PARD6G: variants seen among roughly 807,000 people sequenced by gnomAD.
PARD6G encodes the protein par-6 family cell polarity regulator gamma, also known as partitioning defective 6 homolog gamma.
PARD6G carries 7 observed loss-of-function variants against 10.7 expected under a neutral mutation model. That is an observed-to-expected ratio of 0.66 (90% CI 0.37 to 1.23). PARD6G has a LOEUF of 1.23. PARD6G is among the 50% of genes most tolerant of loss of function. The pLI is 0.02. For missense variants in PARD6G, 548 were observed against 571.8 expected (o/e 0.96, Z 0.42); for synonymous variants, 287 against 269.4 (o/e 1.07, Z -0.64).
chr18:80,213,511 A>G (rs1197266692), intron 1 of PARD6G, among the ~76,000 whole-genome samples: 22 of 152,218 alleles, frequency 1.4e-4, no homozygotes, highest in Admixed American at 1.4e-3. Context: ...ATCTCTATCT[A>G]ATCATTAGCT....
rs112211247 is a variant in PARD6G at position 80,192,432 on chromosome 18, C to T, written c.295+10278G>A. 0.26 allele frequency among the ~76,000 whole-genome samples: 39,062 copies of T among 148,008 alleles called. 6,753 individuals are homozygous for T. Among genetic ancestry groups the T allele is most frequent in the Non-Finnish European group, 0.39 (26,209 of 66,494 alleles). On this transcript the variant is annotated intron_variant, in intron 2 of 2. Coordinates refer to ENST00000353265, the MANE Select transcript of PARD6G (RefSeq NM_032510.4). This position sits in a 1 kb window ranked among gnomAD's most constrained non-coding sequence, Gnocchi z 4.9. ...CACTGCCCAGTGGGAGCCCAGGGGACGGGGGAGAGCAGGTGCCACGGCGGG... is the reference window on the plus strand; with the variant it reads ...CACTGCCCAGTGGGAGCCCAGGGGATGGGGGAGAGCAGGTGCCACGGCGGG...
intron 2 of PARD6G, among the ~76,000 whole-genome samples, chr18:80,167,456 A>G (rs2052744380): frequency 6.6e-6 from 1 of 152,168 alleles, no homozygotes; most frequent in Non-Finnish European, 1.5e-5. Flanking sequence ...GGACAGGGAC[A>G]CAGGCTCAGG....
chr18:80,172,548 G>A (rs1427662146), intron 2 of PARD6G, among the ~76,000 whole-genome samples: 4 of 152,062 alleles, frequency 2.6e-5, no homozygotes, highest in Non-Finnish European at 4.4e-5. Flanking sequence ...TACCGTGCCT[G>A]GCTAATTTTT....
intron 1 of PARD6G, among the ~76,000 whole-genome samples, chr18:80,209,175 G>A (rs1438468504): frequency 6.6e-6 from 1 of 151,792 alleles, no homozygotes; most frequent in East Asian, 1.9e-4. Context: ...ACTATGAGCT[G>A]TATCATTTCC....
At position 80,223,646 on chromosome 18, in the gene PARD6G, A is replaced by G. The variant is rs555990188; in HGVS notation, c.73-20714T>C. 1.4e-4 allele frequency among the ~76,000 whole-genome samples: 22 copies of G among 152,316 alleles called. 1 individual carries two copies. The Middle Eastern group carries it at 0.014, about 94-fold the overall frequency. On this transcript the variant is annotated intron_variant, in intron 1 of 2. Transcript: ENST00000353265. ...TAAAACGGTGCAAATGATTTTGTAA[A>G]CAGTCTGGGAGTTCTTCAAAATGTT...
At chr18:80,166,737 G>T (rs931013783) in intron 2 of PARD6G, among the ~76,000 whole-genome samples, 1 of 151,454 alleles carries the variant, frequency 6.6e-6, no homozygotes, top group Admixed American at 6.6e-5. Context: ...CCACCTTCCC[G>T]GGGAACTTCA....
chr18:80,206,868 G>A (rs1967058696), intron 1 of PARD6G, among the ~76,000 whole-genome samples: 2 of 151,948 alleles, frequency 1.3e-5, no homozygotes, highest in Non-Finnish European at 1.5e-5. Flanking sequence ...TTATTTGGAT[G>A]GCTAGTGATT....
intron 1 of PARD6G, among the ~76,000 whole-genome samples, chr18:80,235,712 G>A (rs1383106852): frequency 6.6e-6 from 1 of 152,138 alleles, no homozygotes; most frequent in Non-Finnish European, 1.5e-5. Context: ...TACCATCAGA[G>A]AATACTATAA....
At chr18:80,165,535 CT>C (rs1177264802) in intron 2 of PARD6G, among the ~76,000 whole-genome samples, 3 of 144,448 alleles carry the variant, frequency 2.1e-5, no homozygotes, top group Non-Finnish European at 4.5e-5. Flanking sequence ...ATATCCTCAG[CT>C]TACGAAGATA....
rs977201748 is a variant in PARD6G, at chr18:80,184,052, T to C, written c.295+18658A>G. ...CTTGGTCCAAACCAGAGGAAATTTA[T>C]TGTCCAAACCAGACCCACCCCAATG... is the stretch of plus-strand genomic sequence containing the variant. On this transcript the variant is annotated intron_variant, in intron 2 of 2. Coordinates refer to ENST00000353265, the MANE Select transcript of PARD6G (RefSeq NM_032510.4). This position sits in a 1 kb window ranked among gnomAD's most constrained non-coding sequence, Gnocchi z 4.5. 2 of 152,248 alleles carry C rather than the reference T, an allele frequency of 1.3e-5. No homozygotes were observed. Among genetic ancestry groups the C allele is most frequent in the Admixed American group, 6.5e-5 (1 of 15,292 alleles). The allele number at this position is 152,248 out of a possible 1,614,324, so 9.4% of individuals were successfully genotyped here. A position where few individuals can be genotyped will look rare whatever the true frequency, so the allele number is the denominator to read the frequency against.
At chr18:80,206,665 C>T (rs1252466480) in intron 1 of PARD6G, among the ~76,000 whole-genome samples, 1 of 152,222 alleles carries the variant, frequency 6.6e-6, no homozygotes, top group Non-Finnish European at 1.5e-5. Context: ...CCTTCACTCT[C>T]ATCTACCTGA....
At chr18:80,218,231 CAA>C (rs1384084036) in intron 1 of PARD6G, among the ~76,000 whole-genome samples, 4 of 152,022 alleles carry the variant, frequency 2.6e-5, no homozygotes, top group African/African-American at 9.7e-5. Flanking sequence ...AGTCCAAGGC[CAA>C]AGTCTCATGT....
intron 1 of PARD6G, among the ~76,000 whole-genome samples, chr18:80,205,956 C>T (rs1172889129): frequency 2.0e-5 from 3 of 152,170 alleles, no homozygotes; most frequent in Non-Finnish European, 2.9e-5. Context: ...TCAGTATCAC[C>T]GCAAAGGGAT....
Position 80,159,718 on chromosome 18 carries a change from G to C in PARD6G, c.*53C>G. On this transcript the variant is annotated 3_prime_UTR_variant, in exon 3 of 3. Transcript: ENST00000353265. The stretch of plus-strand genomic sequence containing the variant: ...TGAGCGGATGCAGTCTGCAGGTCCT[G>C]TCCCTGTCCTTACCGGGGAACTGGA... 1 of 1,355,324 alleles carries C rather than the reference G, an allele frequency of 7.4e-7. No individual in the cohort carries two copies. The highest frequency in any genetic ancestry group is 9.5e-7 in the Non-Finnish European group (1 of 1,051,826). The allele number at this position is 1,355,324 out of a possible 1,614,324, so 84.0% of individuals were successfully genotyped here. A position where few individuals can be genotyped will look rare whatever the true frequency, so the allele number is the denominator to read the frequency against.
At chr18:80,204,046 G>A (rs975358639) in intron 1 of PARD6G, among the ~76,000 whole-genome samples, 5 of 152,062 alleles carry the variant, frequency 3.3e-5, no homozygotes, top group South Asian at 2.1e-4. Flanking sequence ...TGAGCTGCCC[G>A]CAGAGCTCCA....
intron 2 of PARD6G, among the ~76,000 whole-genome samples, chr18:80,176,997 CAA>C (rs1197246799): frequency 2.1e-5 from 3 of 142,726 alleles, no homozygotes; most frequent in Non-Finnish European, 4.5e-5. Context: ...AATCACAGCC[CAA>C]AAGAGAAGCA....
chr18:80,172,460 C>G (rs1056153591), intron 2 of PARD6G, among the ~76,000 whole-genome samples: 3 of 151,188 alleles, frequency 2.0e-5, no homozygotes, highest in Admixed American at 6.6e-5. Flanking sequence ...CTCACTGCAA[C>G]CTCTGCCTCC....
chr18:80,224,622 C>T (rs369147681), intron 1 of PARD6G, among the ~76,000 whole-genome samples: 360 of 152,268 alleles, frequency 2.4e-3, no homozygotes, highest in Non-Finnish European at 3.5e-3. Context: ...CCGAGGCGGG[C>T]GGATCACGAG....
Position 80,189,017 on chromosome 18 carries a change from G to A in PARD6G, c.295+13693C>T, listed in dbSNP as rs778012364. On this transcript the variant is annotated intron_variant, in intron 2 of 2. Coordinates refer to ENST00000353265, the MANE Select transcript of PARD6G (RefSeq NM_032510.4). The surrounding 1 kb of genome is among the most constrained non-coding windows in gnomAD (Gnocchi z 5.5). ...CCCGGGGTTGCCTGACACTCTCTGGGGCAGAGAACCCAGTTCTAGGGGCTG... is the reference window on the plus strand; with the variant it reads ...CCCGGGGTTGCCTGACACTCTCTGGAGCAGAGAACCCAGTTCTAGGGGCTG... Among the ~76,000 whole-genome samples, 10 of 152,120 alleles carry A rather than the reference G, an allele frequency of 6.6e-5. No homozygotes were observed. The highest frequency in any genetic ancestry group is 1.5e-4 in the Non-Finnish European group (10 of 68,018).
Sources: allele counts gnomAD v4.1 joint callset (sites outside exome capture counted in the v4.1 genomes callset), GRCh38; gene constraint gnomAD v4.1.1; non-coding constraint Gnocchi (gnomAD v3.1); transcripts MANE v1.5; gene names NCBI Gene and HGNC (gene_info 2026-07-23, HGNC 2026-07-21).